The following CHRDL1 variants were observed in gnomAD, a reference collection of about 807,000 sequenced individuals.
CHRDL1 encodes the protein chordin like 1, also known as chordin-like protein 1.
CHRDL1 carries 19 observed loss-of-function variants against 40.9 expected under a neutral mutation model. The observed-to-expected ratio is 0.46, with a 90% CI of 0.32 to 0.68. The LOEUF is 0.68. CHRDL1 is among the 30% of genes least tolerant of loss of function. The pLI is 0.03. For missense variants in CHRDL1, 329 were observed against 352.1 expected (o/e 0.93, Z 0.53); for synonymous variants, 136 against 123.4 (o/e 1.10, Z -0.68).
intron 2 of CHRDL1, among the ~76,000 whole-genome samples, chrX:110,783,159 C>T (rs2089971349): frequency 8.9e-6 from 1 of 111,793 alleles, no homozygotes; most frequent in African/African-American, 3.3e-5. Flanking sequence ...TGGAGATTTG[C>T]TCTTGTTGTC....
At chrX:110,756,919 A>G (rs1420140892) in intron 4 of CHRDL1, among the ~76,000 whole-genome samples, 1 of 112,176 alleles carries the variant, frequency 8.9e-6, no homozygotes. Flanking sequence ...AAGATTCCCC[A>G]AAACAATAAC....
intron 6 of CHRDL1, among the ~76,000 whole-genome samples, chrX:110,705,304 T>TATATATATATATATATATAC (rs1491498596): frequency 1.3e-5 from 1 of 77,619 alleles, no homozygotes; most frequent in African/African-American, 5.7e-5. Flanking sequence ...TATATATATA[T>TATATATATATATATATATAC]ACACACACAC....
chrX:110,744,977 AC>A (rs1413354516), intron 4 of CHRDL1, among the ~76,000 whole-genome samples: 3 of 109,462 alleles, frequency 2.7e-5, no homozygotes, highest in African/African-American at 1.0e-4. Context: ...ACACACACAC[AC>A]ACACACACAC....
In CHRDL1 at chrX:110,759,692, A is replaced by G; in HGVS notation, c.270T>C (p.His90=). 8.3e-7 allele frequency: 1 copy of G among 1,205,338 alleles called. No individual in the cohort carries two copies. Among genetic ancestry groups the G allele is most frequent in the Non-Finnish European group, 1.1e-6 (1 of 889,643 alleles). Residue 90 remains histidine, a synonymous_variant, in exon 4 of 12, where the codon CAT becomes CAC. Coordinates refer to ENST00000372042, the MANE Select transcript of CHRDL1 (RefSeq NM_001143981.2). The part of the protein sequence containing the change: ...CPNVHCLSPV[H]IPHLCCPRCP... ...AGCGAGGGCAGCACAGATGAGGAAT[A>G]TGCACAGGAGAAAGGCAATGAACAT...
At chrX:110,785,101 G>T (rs1228081034) in intron 2 of CHRDL1, among the ~76,000 whole-genome samples, 1 of 111,919 alleles carries the variant, frequency 8.9e-6, no homozygotes, top group Admixed American at 9.5e-5. Context: ...GTGAAGGGAG[G>T]CTTTCTGTTT....
chrX:110,737,708 G>T (rs962741941), intron 4 of CHRDL1, among the ~76,000 whole-genome samples: 1 of 111,885 alleles, frequency 8.9e-6, no homozygotes, highest in Non-Finnish European at 1.9e-5. Flanking sequence ...CCACACCCCA[G>T]GGAGGTATAA....
intron 6 of CHRDL1, among the ~76,000 whole-genome samples, chrX:110,701,148 G>C (rs1028304267): frequency 9.0e-6 from 1 of 110,990 alleles, no homozygotes; most frequent in Non-Finnish European, 1.9e-5. Context: ...CCTTTCTCTA[G>C]GTCTACATGA....
intron 4 of CHRDL1, among the ~76,000 whole-genome samples, chrX:110,751,373 C>A (rs532587062): frequency 2.7e-5 from 3 of 111,768 alleles, no homozygotes; most frequent in African/African-American, 9.7e-5. Context: ...AACAAAGAAC[C>A]CTAATTCTGC....
At chrX:110,688,882 C>A (rs1362141221) in intron 8 of CHRDL1, 79 bp from the exon 9 acceptor site, 1 of 708,699 alleles carries the variant, frequency 1.4e-6, no homozygotes, top group Non-Finnish European at 2.2e-6. Flanking sequence ...AAGCCCTGAA[C>A]TACTTAACAT....
chrX:110,734,457 C>A (rs1174117882), intron 4 of CHRDL1, among the ~76,000 whole-genome samples: 1 of 111,885 alleles, frequency 8.9e-6, no homozygotes. Context: ...TTATCATCAG[C>A]TCCATTATTC....
At chrX:110,768,413 G>A (rs372458399) in intron 2 of CHRDL1, among the ~76,000 whole-genome samples, 1 of 111,378 alleles carries the variant, frequency 9.0e-6, no homozygotes, top group East Asian at 2.8e-4. Context: ...CCTTCTGGGT[G>A]TATCCTATCT....
chrX:110,733,666 G>A (rs375483023), intron 4 of CHRDL1, among the ~76,000 whole-genome samples: 1 of 111,186 alleles, frequency 9.0e-6, no homozygotes. Context: ...CCAGCACTTT[G>A]GGAGGCTGAG....
rs751152224 is a variant in CHRDL1 at position 110,725,605 on chromosome X, C to T, written c.302-4075G>A. On this transcript the variant is annotated intron_variant, in intron 4 of 11. Transcript: ENST00000372042. ...AAGTCCTCATGCTGACTGCTCTCTT[C>T]CCCACTCTCCCCACCCTATAAAATG... Among the ~76,000 whole-genome samples the T allele has an allele frequency of 5.4e-5, 6 of 111,349 alleles. No individual in the cohort carries two copies. In the South Asian group the frequency reaches 1.9e-3, roughly 36 times the overall value.
At chrX:110,693,631 T>TG (rs1288730193) in intron 8 of CHRDL1, among the ~76,000 whole-genome samples, 1 of 111,434 alleles carries the variant, frequency 9.0e-6, no homozygotes, top group Non-Finnish European at 1.9e-5. Flanking sequence ...CTGTGAGGCA[T>TG]GAGCCACTGC....
At chrX:110,755,652 T>C (rs759903848) in intron 4 of CHRDL1, among the ~76,000 whole-genome samples, 1 of 112,208 alleles carries the variant, frequency 8.9e-6, no homozygotes, top group South Asian at 3.7e-4. Context: ...ACAGTTTGCT[T>C]ATTTGTCGTC....
chrX:110,766,923 T>C (rs971354062), intron 2 of CHRDL1, among the ~76,000 whole-genome samples: 4 of 111,841 alleles, frequency 3.6e-5, no homozygotes, highest in East Asian at 5.6e-4. Context: ...TTGATGAACA[T>C]AGATGCTAAA....
At chrX:110,792,588 A>G (rs1310281413) in intron 1 of CHRDL1, among the ~76,000 whole-genome samples, 2 of 112,365 alleles carry the variant, frequency 1.8e-5, no homozygotes, top group Non-Finnish European at 3.8e-5. Context: ...TTTAGCAAAC[A>G]AGGTAAAAGT....
intron 9 of CHRDL1, among the ~76,000 whole-genome samples, chrX:110,684,658 T>G (rs1183803652): frequency 8.9e-6 from 1 of 112,876 alleles, no homozygotes; most frequent in South Asian, 3.6e-4. Flanking sequence ...AAGTAGCCTT[T>G]GTCTTGTTCA....
intron 4 of CHRDL1, among the ~76,000 whole-genome samples, chrX:110,727,348 C>G (rs188992151): frequency 8.9e-6 from 1 of 112,414 alleles, no homozygotes; most frequent in Admixed American, 9.4e-5. Context: ...TCTACTTCAA[C>G]AGAATACCTC....
Sources: gnomAD v4.1 joint callset for allele counts (sites outside exome capture counted in the v4.1 genomes callset) on GRCh38, gnomAD v4.1.1 for gene constraint, MANE v1.5 for transcripts, NCBI Gene and HGNC (gene_info 2026-07-23, HGNC 2026-07-21) for gene names.